OGDH: variants seen among roughly 807,000 people sequenced by gnomAD.
OGDH encodes 2-oxoglutarate dehydrogenase complex component E1.
A neutral mutation model predicts 116.6 loss-of-function variants in OGDH; 38 were observed. That is an observed-to-expected ratio of 0.33 (90% CI 0.25 to 0.43). OGDH has a LOEUF of 0.43. Among genes scored for constraint, OGDH ranks in the 20% least tolerant of loss-of-function variants. The pLI is 1.00. For synonymous variants in OGDH, 488 were observed against 533.3 expected, an observed-to-expected ratio of 0.92 and a Z score of 1.17; for missense variants, 825 against 1,357.2, an observed-to-expected ratio of 0.61 and a Z score of 6.16.
At chr7:44,614,414 C>T (rs1366059638) in intron 1 of OGDH, among the ~76,000 whole-genome samples, 1 of 151,566 alleles carries the variant, frequency 6.6e-6, no homozygotes, top group Admixed American at 6.6e-5. Context: ...TGCCTTTTGC[C>T]AGATTTGGGA....
At position 44,674,841 on chromosome 7, in the gene OGDH, T is replaced by TG; in HGVS notation, c.935+288dup. On this transcript the variant is annotated intron_variant, in intron 7 of 22. Coordinates refer to ENST00000222673, the MANE Select transcript of OGDH (RefSeq NM_002541.4). Reference sequence around the variant, plus strand: ...GAAAATTAAACCCAAGTTCCCTTGTTGGGGTCTAACCTGGAGGGAAGGCTG... The same window carrying TG: ...GAAAATTAAACCCAAGTTCCCTTGTTGGGGGTCTAACCTGGAGGGAAGGCTG... 6 of 535,096 alleles carry TG rather than the reference T, an allele frequency of 1.1e-5. No homozygotes were observed. The South Asian group carries it at 1.3e-4, about 12-fold the overall frequency. 33.1% of individuals were successfully genotyped at this position (535,096 alleles called of 1,614,324 possible).
At chr7:44,673,441 G>T (rs995944881) in intron 5 of OGDH, among the ~76,000 whole-genome samples, 1 of 152,232 alleles carries the variant, frequency 6.6e-6, no homozygotes, top group Non-Finnish European at 1.5e-5. Flanking sequence ...ATGACAGCCT[G>T]TCTTCCCTGG....
At chr7:44,621,937 A>G (rs1018487325) in intron 1 of OGDH, among the ~76,000 whole-genome samples, 1 of 152,124 alleles carries the variant, frequency 6.6e-6, no homozygotes, top group Non-Finnish European at 1.5e-5. Context: ...TGTCAGATTC[A>G]GTGACTGCGG....
intron 20 of OGDH, among the ~76,000 whole-genome samples, chr7:44,705,868 T>TTA (rs1789048719): frequency 6.6e-6 from 1 of 152,252 alleles, no homozygotes; most frequent in Admixed American, 6.5e-5. Context: ...TACATGTTTG[T>TTA]TAACCTTACT....
Position 44,707,146 on chromosome 7 carries a change from C to T in OGDH, c.2633-79C>T. ...AAGCTGCGTCTCCTGGCAGCAGTCC[C>T]TGGCACAGCCCTGGGCCCAGGAGAG... On this transcript the variant is annotated intron_variant, in intron 20 of 22. Transcript: ENST00000222673. The surrounding 1 kb of genome is among the most constrained non-coding windows in gnomAD (Gnocchi z 5.2). 1 of 1,497,868 alleles carries T rather than the reference C, an allele frequency of 6.7e-7. No homozygotes were observed. The highest frequency in any genetic ancestry group is 9.1e-7 in the Non-Finnish European group (1 of 1,098,480). 92.8% of individuals were successfully genotyped at this position (1,497,868 alleles called of 1,614,324 possible).
chr7:44,669,762 C>A (rs1420665327), intron 5 of OGDH, among the ~76,000 whole-genome samples: 2 of 148,938 alleles, frequency 1.3e-5, no homozygotes, highest in African/African-American at 5.0e-5. Context: ...ACCCAGGAGT[C>A]TAAGGCTGTA....
chr7:44,614,899 C>T (rs1443923029), intron 1 of OGDH, among the ~76,000 whole-genome samples: 2 of 146,788 alleles, frequency 1.4e-5, no homozygotes, highest in African/African-American at 2.5e-5. Context: ...TGCAGTGGCG[C>T]GATCTCAGCT....
intron 10 of OGDH, among the ~76,000 whole-genome samples, chr7:44,684,061 T>C (rs928910268): frequency 1.3e-5 from 2 of 152,108 alleles, no homozygotes; most frequent in Non-Finnish European, 2.9e-5. Context: ...TCACTGAGGA[T>C]TTGACATTTA....
intron 5 of OGDH, 69 bp from the exon 6 acceptor site, chr7:44,673,718 A>G: frequency 1.3e-6 from 2 of 1,491,118 alleles, no homozygotes; most frequent in Middle Eastern, 1.7e-4. Context: ...CTGAATGGGC[A>G]GTCGGCAGTC....
intron 2 of OGDH, among the ~76,000 whole-genome samples, chr7:44,629,580 CT>C (rs71701992): frequency 0.011 from 659 of 60,012 alleles, 3 homozygotes; most frequent in African/African-American, 0.017. Flanking sequence ...TTTTTCTTTT[CT>C]TTTTTTTTTT....
chr7:44,682,321 G>T (rs1787960841), intron 10 of OGDH, among the ~76,000 whole-genome samples: 1 of 151,588 alleles, frequency 6.6e-6, no homozygotes, highest in Admixed American at 6.6e-5. Context: ...AGAGGTGAAG[G>T]TTACAGTGAG....
chr7:44,628,017 G>T (rs1785276081), intron 2 of OGDH, among the ~76,000 whole-genome samples: 1 of 152,126 alleles, frequency 6.6e-6, no homozygotes, highest in Non-Finnish European at 1.5e-5. Flanking sequence ...GTGTTTCCAA[G>T]CATACATAAC....
chr7:44,700,192 G>C lies in OGDH; in HGVS notation c.2482G>C (p.Val828Leu). The part of the protein sequence containing the change: ...DINQLYDCNW[V>L]VVNCSTPGNF... ...CAATCAGCTATATGACTGCAATTGG[G>C]TTGTTGTCAACTGCTCCACTCCTGG... The change falls in exon 19 of 23, where the codon GTT (valine) becomes CTT (leucine). Residue 828 changes from valine to leucine, a missense_variant. Physicochemically the swap from Val to Leu is conservative, Grantham distance 32. Transcript: ENST00000222673. 6.2e-7 allele frequency: 1 copy of C among 1,614,210 alleles called. No homozygotes were observed. Among genetic ancestry groups the C allele is most frequent in the Non-Finnish European group, 8.5e-7 (1 of 1,180,018 alleles).
At chr7:44,643,417 G>GA (rs907405104) in intron 2 of OGDH, among the ~76,000 whole-genome samples, 1 of 151,174 alleles carries the variant, frequency 6.6e-6, no homozygotes. Context: ...AAAAGGGAAG[G>GA]AAAAAAAAAG....
chr7:44,653,950 G>A (rs1203408726), intron 4 of OGDH, among the ~76,000 whole-genome samples: 2 of 152,086 alleles, frequency 1.3e-5, no homozygotes, highest in Non-Finnish European at 2.9e-5. Context: ...TGCCTCCCAG[G>A]TTCAAGCAAT....
intron 4 of OGDH, among the ~76,000 whole-genome samples, chr7:44,659,834 T>C (rs1198334692): frequency 6.6e-6 from 1 of 152,226 alleles, no homozygotes; most frequent in Non-Finnish European, 1.5e-5. Context: ...TTGTCAGTCT[T>C]GTAAGAGATT....
chr7:44,630,696 A>G (rs202007796), intron 2 of OGDH, among the ~76,000 whole-genome samples: 1 of 152,102 alleles, frequency 6.6e-6, no homozygotes, highest in Non-Finnish European at 1.5e-5. Context: ...TCATCTCTAG[A>G]TTACTTGTAA....
chr7:44,612,382 CCTTT>C (rs1220078032), intron 1 of OGDH, among the ~76,000 whole-genome samples: 1 of 151,966 alleles, frequency 6.6e-6, no homozygotes, highest in Non-Finnish European at 1.5e-5. Context: ...AGTTCTTTTG[CCTTT>C]CTTTTTTTTT....
chr7:44,608,991 G>A (rs936666780), intron 1 of OGDH, among the ~76,000 whole-genome samples: 1 of 152,008 alleles, frequency 6.6e-6, no homozygotes, highest in Non-Finnish European at 1.5e-5. Flanking sequence ...GAATATTCCC[G>A]TCATCACAAG....
Sources: allele counts gnomAD v4.1 joint callset (sites outside exome capture counted in the v4.1 genomes callset), GRCh38; gene constraint gnomAD v4.1.1; non-coding constraint Gnocchi (gnomAD v3.1); transcripts MANE v1.5; gene names NCBI Gene and HGNC (gene_info 2026-07-23, HGNC 2026-07-21).